Variants in CSNK2A2IP observed in about 807,000 individuals in gnomAD.
The protein encoded by CSNK2A2IP is casein kinase 2 subunit alpha' interacting protein.
At chr3:88,389,685 A>C in the CSNK2A2IP span, among the ~76,000 whole-genome samples, 1 of 152,182 alleles carries the variant, frequency 6.6e-6, no homozygotes, top group African/African-American at 2.4e-5. Flanking sequence ...CGTGGCTTGC[A>C]CTAGTGTATT....
At chr3:88,446,114 CTTTT>C in the CSNK2A2IP span, among the ~76,000 whole-genome samples, 160 of 89,556 alleles carry the variant, frequency 1.8e-3, 1 homozygote, top group African/African-American at 7.2e-3. Flanking sequence ...TTCTTTCTTT[CTTTT>C]TTTTCTTTCT....
At chr3:88,375,311 T>G in the CSNK2A2IP span, among the ~76,000 whole-genome samples, 37 of 151,820 alleles carry the variant, frequency 2.4e-4, no homozygotes, top group Non-Finnish European at 1.5e-5. Flanking sequence ...AAGCCATCGC[T>G]GATCTCCCGG....
the CSNK2A2IP span, among the ~76,000 whole-genome samples, chr3:88,349,102 T>C: frequency 6.6e-6 from 1 of 152,088 alleles, no homozygotes; most frequent in Admixed American, 6.6e-5. Context: ...TTGCAGTTCA[T>C]TGCCAATCTA....
chr3:88,461,887 C>A, the CSNK2A2IP span, among the ~76,000 whole-genome samples: 1 of 151,844 alleles, frequency 6.6e-6, no homozygotes, highest in East Asian at 1.9e-4. Flanking sequence ...ACTACAGGTG[C>A]GAATCAATAC....
chr3:88,437,803 C>G, the CSNK2A2IP span, among the ~76,000 whole-genome samples: 1 of 152,136 alleles, frequency 6.6e-6, no homozygotes, highest in Non-Finnish European at 1.5e-5. Context: ...ACAATTTTAT[C>G]TCTGCTTTTC....
chr3:88,449,874 T>TATATATATATATAGAGAGAGAG, the CSNK2A2IP span, among the ~76,000 whole-genome samples: 5 of 70,102 alleles, frequency 7.1e-5, no homozygotes, highest in African/African-American at 1.9e-4. Flanking sequence ...TATATATATA[T>TATATATATATATAGAGAGAGAG]AGAGAGAGAG....
chr3:88,403,355 A>T, the CSNK2A2IP span, among the ~76,000 whole-genome samples: 1 of 152,156 alleles, frequency 6.6e-6, no homozygotes, highest in Non-Finnish European at 1.5e-5. Flanking sequence ...TGAAAAATGT[A>T]ACTTTATTCT....
the CSNK2A2IP span, among the ~76,000 whole-genome samples, chr3:88,422,138 T>G: frequency 5.9e-5 from 9 of 152,210 alleles, no homozygotes; most frequent in African/African-American, 2.2e-4. Flanking sequence ...ATTAGACTTT[T>G]TTTTGTAAGT....
chr3:88,433,518 A>ATTTCC, the CSNK2A2IP span, among the ~76,000 whole-genome samples: 4 of 152,086 alleles, frequency 2.6e-5, no homozygotes, highest in Non-Finnish European at 5.9e-5. Flanking sequence ...TTCTATTTTT[A>ATTTCC]TAATTTAACT....
the CSNK2A2IP span, among the ~76,000 whole-genome samples, chr3:88,415,256 G>T: frequency 3.3e-5 from 5 of 151,990 alleles, no homozygotes; most frequent in South Asian, 4.1e-4. Flanking sequence ...TCTGAAAATA[G>T]AATATGATTT....
chr3:88,416,258 T>C, the CSNK2A2IP span, among the ~76,000 whole-genome samples: 2 of 137,008 alleles, frequency 1.5e-5, no homozygotes, highest in African/African-American at 5.6e-5. Flanking sequence ...GGTGACAGAG[T>C]GAGACTCCCT....
the CSNK2A2IP span, among the ~76,000 whole-genome samples, chr3:88,387,596 A>G: frequency 6.6e-6 from 1 of 152,158 alleles, no homozygotes; most frequent in African/African-American, 2.4e-5. Context: ...TACCATAATA[A>G]TCTATGGAAT....
chr3:88,418,468 G>A, the CSNK2A2IP span, among the ~76,000 whole-genome samples: 14 of 151,944 alleles, frequency 9.2e-5, no homozygotes, highest in African/African-American at 3.1e-4. Context: ...GTGTGTGCGC[G>A]CGGGCGTGTG....
the CSNK2A2IP span, among the ~76,000 whole-genome samples, chr3:88,415,627 C>T: frequency 6.6e-6 from 1 of 151,978 alleles, no homozygotes; most frequent in South Asian, 2.1e-4. Context: ...AGAGAAGCCC[C>T]TATCTGCTGT....
At chr3:88,378,470 T>C in the CSNK2A2IP span, among the ~76,000 whole-genome samples, 2 of 151,984 alleles carry the variant, frequency 1.3e-5, no homozygotes, top group Admixed American at 1.3e-4. Context: ...GAAAATGAAC[T>C]GTTCAATACT....
At chr3:88,351,558 A>G in the CSNK2A2IP span, among the ~76,000 whole-genome samples, 1 of 152,088 alleles carries the variant, frequency 6.6e-6, no homozygotes, top group African/African-American at 2.4e-5. Flanking sequence ...CCAAGATGTA[A>G]CTTTGTGTAG....
At chr3:88,351,496 C>G in the CSNK2A2IP span, among the ~76,000 whole-genome samples, 5 of 151,946 alleles carry the variant, frequency 3.3e-5, no homozygotes, top group Admixed American at 3.3e-4. Context: ...TACCCTTGAT[C>G]CCATCCCACT....
chr3:88,432,203 A>G, the CSNK2A2IP span, among the ~76,000 whole-genome samples: 1 of 151,928 alleles, frequency 6.6e-6, no homozygotes, highest in African/African-American at 2.4e-5. Context: ...AGTAACACCT[A>G]CCAGTTAATA....
the CSNK2A2IP span, among the ~76,000 whole-genome samples, chr3:88,433,996 T>A: frequency 6.6e-6 from 1 of 152,314 alleles, no homozygotes; most frequent in South Asian, 2.1e-4. Context: ...AAATGTGTTA[T>A]TTTTGAGTCA....
Sources: gnomAD v4.1 joint callset for allele counts (sites outside exome capture counted in the v4.1 genomes callset) on GRCh38, gnomAD v4.1.1 for gene constraint, MANE v1.5 for transcripts, NCBI Gene and HGNC (gene_info 2026-07-23, HGNC 2026-07-21) for gene names.